CEP128: variants seen among roughly 807,000 people sequenced by gnomAD.
The protein encoded by CEP128 is centrosomal protein 128kDa.
Under a neutral mutation model 156.7 loss-of-function variants are expected in CEP128, and 132 were observed. The observed-to-expected ratio is 0.84, with a 90% CI of 0.73 to 0.97. The LOEUF (loss-of-function observed/expected upper bound fraction) is 0.97. Ranked by LOEUF, CEP128 falls within the 50% of genes least tolerant of loss-of-function variation. The probability of loss-of-function intolerance (pLI) is 0.00; values close to 1 mark genes in which losing one functional copy is unlikely to be tolerated. For synonymous variants in CEP128, 469 were observed against 448.9 expected (o/e 1.04, Z -0.57); for missense variants, 1,252 against 1,281.9 (o/e 0.98, Z 0.36).
intron 19 of CEP128, among the ~76,000 whole-genome samples, chr14:80,683,146 G>C (rs1896388570): frequency 6.6e-6 from 1 of 152,130 alleles, no homozygotes; most frequent in Admixed American, 6.6e-5. Context: ...TTGAATATAA[G>C]TGATCTAAAT....
intron 19 of CEP128, among the ~76,000 whole-genome samples, chr14:80,719,130 A>G (rs1017298144): frequency 6.6e-6 from 1 of 152,180 alleles, no homozygotes; most frequent in African/African-American, 2.4e-5. Context: ...ATGACAGTTT[A>G]CAAATGCCAT....
intron 19 of CEP128, among the ~76,000 whole-genome samples, chr14:80,611,140 A>G (rs2140583129): frequency 6.6e-6 from 1 of 152,230 alleles, no homozygotes; most frequent in East Asian, 1.9e-4. Context: ...TTAATGGTAA[A>G]ACATATTTAT....
In CEP128 at chr14:80,822,833, T is replaced by C. The variant is rs1885262992; in HGVS notation, c.1209+8310A>G. Reference sequence around the variant, plus strand: ...TTTTGATAACTGTGTAAACTTCTGTTGACTGCACAGTTTGAAATACTATTT... The same window carrying C: ...TTTTGATAACTGTGTAAACTTCTGTCGACTGCACAGTTTGAAATACTATTT... On this transcript the variant is annotated intron_variant, in intron 13 of 24. Coordinates refer to ENST00000555265, the MANE Select transcript of CEP128 (RefSeq NM_152446.5). 7 of 719,048 alleles carry C rather than the reference T, an allele frequency of 9.7e-6. No individual in the cohort carries two copies. In the Admixed American group the frequency reaches 1.1e-4, roughly 11 times the overall value. 44.5% of individuals were successfully genotyped at this position (719,048 alleles called of 1,614,324 possible).
intron 18 of CEP128, among the ~76,000 whole-genome samples, chr14:80,745,337 T>G (rs545919868): frequency 6.6e-6 from 1 of 152,174 alleles, no homozygotes; most frequent in Admixed American, 6.5e-5. Context: ...TGTGTGTCAA[T>G]TAAACCTCTT....
intron 19 of CEP128, among the ~76,000 whole-genome samples, chr14:80,616,653 T>C (rs1035302481): frequency 1.3e-5 from 2 of 152,246 alleles, no homozygotes; most frequent in Non-Finnish European, 2.9e-5. Flanking sequence ...AAACTTACTT[T>C]AGTTCTCCCA....
chr14:80,678,414 T>G (rs1174967191), intron 19 of CEP128, among the ~76,000 whole-genome samples: 1 of 151,076 alleles, frequency 6.6e-6, no homozygotes, highest in Non-Finnish European at 1.5e-5. Flanking sequence ...AAACAATTAC[T>G]TGTTTGGTTT....
intron 15 of CEP128, among the ~76,000 whole-genome samples, chr14:80,779,285 A>G (rs978670482): frequency 6.6e-6 from 1 of 152,222 alleles, no homozygotes; most frequent in Non-Finnish European, 1.5e-5. Context: ...AATTTCCTGA[A>G]AGAAAGAAGT....
intron 18 of CEP128, among the ~76,000 whole-genome samples, chr14:80,755,729 A>C (rs1172815810): frequency 6.6e-6 from 1 of 152,224 alleles, no homozygotes; most frequent in Non-Finnish European, 1.5e-5. Flanking sequence ...CTGTCCAGTC[A>C]TAGTTCATGG....
At chr14:80,572,986 G>A (rs1018180073) in intron 20 of CEP128, among the ~76,000 whole-genome samples, 6 of 152,130 alleles carry the variant, frequency 3.9e-5, no homozygotes, top group African/African-American at 1.2e-4. Flanking sequence ...GCAATGGCGC[G>A]ATCTCGGCTC....
At chr14:80,732,471 GGTGTGTGTGTGTGT>G (rs10672093) in intron 19 of CEP128, among the ~76,000 whole-genome samples, 2,078 of 127,720 alleles carry the variant, frequency 0.016, 25 homozygotes, top group Non-Finnish European at 0.019. Flanking sequence ...TGATTAAGCA[GGTGTGTGTGTGTGT>G]GTGTGTGTGT....
chr14:80,831,364 T>A lies in CEP128; in HGVS notation c.1058-70A>T. The A allele has an allele frequency of 4.2e-6, 6 of 1,427,086 alleles. No individual in the cohort carries two copies. The South Asian group carries it at 6.3e-5, about 15-fold the overall frequency. The allele number at this position is 1,427,086 out of a possible 1,614,324, so 88.4% of individuals were successfully genotyped here. ...AGAAGAATGTACTTTCAAATAGTACTGAGCCCTGATGTTTCAATATTCTAG... is the reference window on the plus strand; with the variant it reads ...AGAAGAATGTACTTTCAAATAGTACAGAGCCCTGATGTTTCAATATTCTAG... On this transcript the variant is annotated intron_variant, in intron 12 of 24. Coordinates refer to ENST00000555265, the MANE Select transcript of CEP128 (RefSeq NM_152446.5).
intron 19 of CEP128, among the ~76,000 whole-genome samples, chr14:80,706,853 G>A (rs1177558620): frequency 2.0e-5 from 3 of 151,974 alleles, no homozygotes; most frequent in African/African-American, 4.8e-5. Flanking sequence ...TTGTTCAAAT[G>A]AGGTGAATTC....
chr14:80,946,344 A>G (rs1566731633), upstream of CEP128, among the ~76,000 whole-genome samples: 1 of 136,572 alleles, frequency 7.3e-6, no homozygotes, highest in Non-Finnish European at 1.6e-5. Flanking sequence ...ATGCCTCATG[A>G]TGCATCATGA....
At chr14:80,699,485 T>C (rs1566864194) in intron 19 of CEP128, among the ~76,000 whole-genome samples, 1 of 152,200 alleles carries the variant, frequency 6.6e-6, no homozygotes, top group Non-Finnish European at 1.5e-5. Flanking sequence ...GATATATTCA[T>C]TTCTACTAAA....
chr14:80,677,563 A>T (rs1896114690), intron 19 of CEP128, among the ~76,000 whole-genome samples: 1 of 150,448 alleles, frequency 6.6e-6, no homozygotes, highest in Non-Finnish European at 1.5e-5. Context: ...TGGTTTTAAT[A>T]GAATATAGTA....
chr14:80,680,381 T>C (rs1363541210), intron 19 of CEP128, among the ~76,000 whole-genome samples: 2 of 152,126 alleles, frequency 1.3e-5, no homozygotes, highest in African/African-American at 2.4e-5. Flanking sequence ...CCACCCTTCG[T>C]GGATATAGAT....
upstream of CEP128, chr14:80,942,189 A>G (rs1383666578): frequency 6.6e-6 from 1 of 152,228 alleles, no homozygotes; most frequent in African/African-American, 2.4e-5. Flanking sequence ...GGTCCAGTAT[A>G]TTGTTCCAAA....
chr14:80,831,006 CA>C, intron 13 of CEP128, 136 bp downstream of exon 13: 1 of 738,854 alleles, frequency 1.4e-6, no homozygotes, highest in East Asian at 2.7e-5. Context: ...GTAAATCAGT[CA>C]TTAATATAAC....
chr14:80,827,600 G>A (rs945081366), intron 13 of CEP128, among the ~76,000 whole-genome samples: 1 of 152,216 alleles, frequency 6.6e-6, no homozygotes, highest in African/African-American at 2.4e-5. Flanking sequence ...GAATCTAGCT[G>A]AAGTGTACAG....
Sources: allele counts gnomAD v4.1 joint callset (sites outside exome capture counted in the v4.1 genomes callset), GRCh38; gene constraint gnomAD v4.1.1; transcripts MANE v1.5; gene names NCBI Gene and HGNC (gene_info 2026-07-23, HGNC 2026-07-21).